MORC3: variants seen among roughly 807,000 people sequenced by gnomAD.
MORC3 encodes the protein MORC family CW-type zinc finger 3.
MORC3 carries 31 observed loss-of-function variants against 109.1 expected under a neutral mutation model. That is an observed-to-expected ratio of 0.28 (90% CI 0.21 to 0.38). The LOEUF is 0.38. MORC3 is among the 10% of genes least tolerant of loss of function. The pLI is 1.00. For synonymous variants in MORC3, 395 were observed against 380.7 expected (o/e 1.04, Z -0.44); for missense variants, 867 against 1,135.8 (o/e 0.76, Z 3.40).
intron 10 of MORC3, among the ~76,000 whole-genome samples, chr21:36,359,352 C>T (rs979182503): frequency 6.6e-6 from 1 of 151,810 alleles, no homozygotes; most frequent in Non-Finnish European, 1.5e-5. Flanking sequence ...CCCAGGCTGG[C>T]CTCATACTCC....
intron 13 of MORC3, 138 bp from the exon 14 acceptor site, chr21:36,363,955 A>G (rs1190750871): frequency 4.5e-6 from 4 of 879,964 alleles, no homozygotes; most frequent in Non-Finnish European, 3.4e-6. Context: ...GATTCCTGGT[A>G]TAGCACAAGG....
intron 14 of MORC3, among the ~76,000 whole-genome samples, chr21:36,366,269 T>C (rs568186294): frequency 2.0e-5 from 3 of 152,290 alleles, no homozygotes; most frequent in African/African-American, 7.2e-5. Context: ...CTCCCACTTA[T>C]AAGTGAGAAC....
chr21:36,354,376 C>G (rs1205899446), intron 9 of MORC3, among the ~76,000 whole-genome samples: 1 of 129,934 alleles, frequency 7.7e-6, no homozygotes, highest in African/African-American at 2.9e-5. Context: ...CACATCTTGG[C>G]TCACTGCAAC....
intron 5 of MORC3, 22 bp from the exon 6 acceptor site, chr21:36,341,377 T>TAG: frequency 6.3e-7 from 1 of 1,592,466 alleles, no homozygotes; most frequent in Non-Finnish European, 8.5e-7. Context: ...ATTTTGGTTC[T>TAG]TTCTAAAAAT....
intron 3 of MORC3, 48 bp from the exon 4 acceptor site, chr21:36,337,684 T>C (rs2146299499): frequency 8.6e-7 from 1 of 1,166,154 alleles, no homozygotes; most frequent in East Asian, 2.7e-5. Flanking sequence ...TATTTATTTA[T>C]TTTTGATTAT....
In MORC3 at chr21:36,338,756, C is replaced by CT; in HGVS notation, c.461-15dup. ...TGAAAACTATGTTGTCAATCTGAGT[C>CT]TTTAACTTATGATATACGACAGATG... On this transcript the variant is annotated splice_polypyrimidine_tract_variant and intron_variant, in intron 4 of 16. Transcript: ENST00000400485. 6.3e-7 allele frequency: 1 copy of CT among 1,591,616 alleles called. No individual in the cohort carries two copies. The highest frequency in any genetic ancestry group is 8.6e-7 in the Non-Finnish European group (1 of 1,164,178).
At chr21:36,323,750 C>T (rs2085217916) in intron 1 of MORC3, among the ~76,000 whole-genome samples, 1 of 152,146 alleles carries the variant, frequency 6.6e-6, no homozygotes, top group South Asian at 2.1e-4. Flanking sequence ...TCCTTAACAT[C>T]TGGAAAATGT....
At chr21:36,347,184 T>G (rs1490482482) in intron 8 of MORC3, among the ~76,000 whole-genome samples, 1 of 113,160 alleles carries the variant, frequency 8.8e-6, no homozygotes, top group Non-Finnish European at 1.9e-5. Flanking sequence ...AACTTTATTC[T>G]GAGTTTTTTG....
intron 1 of MORC3, among the ~76,000 whole-genome samples, chr21:36,325,628 A>G (rs769213365): frequency 6.6e-6 from 1 of 152,234 alleles, no homozygotes; most frequent in Non-Finnish European, 1.5e-5. Flanking sequence ...CCTGACAAAC[A>G]CTATTCTACT....
chr21:36,324,391 C>A (rs1264262642), intron 1 of MORC3, among the ~76,000 whole-genome samples: 3 of 151,666 alleles, frequency 2.0e-5, no homozygotes, highest in Non-Finnish European at 2.9e-5. Context: ...CATTCTCCTG[C>A]CTCAGCCTCC....
At chr21:36,343,860 TTAGTAA>T (rs1170110371) in intron 6 of MORC3, among the ~76,000 whole-genome samples, 1 of 152,056 alleles carries the variant, frequency 6.6e-6, no homozygotes, top group Non-Finnish European at 1.5e-5. Context: ...AATTACATTA[TTAGTAA>T]TAGTAATAGT....
At position 36,360,386 on chromosome 21, in the gene MORC3, C is replaced by T. The variant is rs56087140; in HGVS notation, c.1406+128C>T. 3,708 of 930,768 alleles carry T rather than the reference C, an allele frequency of 4.0e-3. 10 individuals carry two copies. Among genetic ancestry groups the T allele is most frequent in the Non-Finnish European group, 5.2e-3 (3,221 of 622,260 alleles). The allele number at this position is 930,768 out of a possible 1,614,324, so 57.7% of individuals were successfully genotyped here. A position where few individuals can be genotyped will look rare whatever the true frequency, so the allele number is the denominator to read the frequency against. On this transcript the variant is annotated intron_variant, in intron 12 of 16. Coordinates refer to ENST00000400485, the MANE Select transcript of MORC3 (RefSeq NM_015358.3). ...CTGAAAAAGTTTATAATGTGGAGTGCGTAATATCAAGGGCTTTAAAAACAA... is the reference window on the plus strand; with the variant it reads ...CTGAAAAAGTTTATAATGTGGAGTGTGTAATATCAAGGGCTTTAAAAACAA...
chr21:36,327,081 C>A (rs2085255594), intron 1 of MORC3, among the ~76,000 whole-genome samples: 1 of 147,594 alleles, frequency 6.8e-6, no homozygotes, highest in South Asian at 2.2e-4. Flanking sequence ...TCCCAAAGTG[C>A]GGGGGTTACA....
In MORC3 at chr21:36,341,411, A is replaced by G; in HGVS notation, c.621A>G (p.Ala207=). 6.3e-7 allele frequency: 1 copy of G among 1,597,558 alleles called. No homozygotes were observed. ...ATTATTTTTACAGCTACAAAAATGCAACAGAGTTCGATTTTGAAAAGGATA... is the reference window on the plus strand; with the variant it reads ...ATTATTTTTACAGCTACAAAAATGCGACAGAGTTCGATTTTGAAAAGGATA... ...IIWNLRSYKN[A]TEFDFEKDKY... Residue 207 remains alanine (A), a synonymous_variant, in exon 6 of 17, where the codon GCA becomes GCG. Transcript: ENST00000400485.
At chr21:36,361,954 A>G (rs2085721880) in intron 12 of MORC3, 2 of 579,804 alleles carry the variant, frequency 3.4e-6, no homozygotes, top group Non-Finnish European at 6.2e-6. Flanking sequence ...TTAGTGGAGA[A>G]AAAAACACCA....
At chr21:36,331,238 GA>G (rs2085311702) in intron 1 of MORC3, among the ~76,000 whole-genome samples, 1 of 152,098 alleles carries the variant, frequency 6.6e-6, no homozygotes, top group Non-Finnish European at 1.5e-5. Flanking sequence ...TGTTCAGAAT[GA>G]ACAAAAAAAT....
rs1449658970 is a variant in MORC3 at position 36,345,415 on chromosome 21, T to TTTTTTTG, written c.1005+398_1005+404dup. ...ACAGGTGCATGCCACCACGCCTGGTTTTTTTTGTTTTTTGTTTTTTTTTTG... is the reference window on the plus strand; with the variant it reads ...ACAGGTGCATGCCACCACGCCTGGTTTTTTTTGTTTTTTGTTTTTTGTTTTTTTTTTG... On this transcript the variant is annotated intron_variant, in intron 8 of 16. Transcript: ENST00000400485. 2.6e-5 allele frequency among the ~76,000 whole-genome samples: 4 copies of TTTTTTTG among 151,322 alleles called. No individual in the cohort carries two copies. The East Asian group carries it at 8.1e-4, about 31-fold the overall frequency.
chr21:36,348,174 A>G (rs2085532210), intron 8 of MORC3: 1 of 152,222 alleles, frequency 6.6e-6, no homozygotes, highest in South Asian at 2.1e-4. Context: ...TTTGAGTTCA[A>G]CATTTTAGCT....
chr21:36,350,881 G>A (rs1396553126), intron 9 of MORC3, among the ~76,000 whole-genome samples: 1 of 151,980 alleles, frequency 6.6e-6, no homozygotes, highest in Non-Finnish European at 1.5e-5. Context: ...CATTTGTATG[G>A]AATACATGTG....
Sources: allele counts gnomAD v4.1 joint callset (sites outside exome capture counted in the v4.1 genomes callset), GRCh38; gene constraint gnomAD v4.1.1; transcripts MANE v1.5; gene names NCBI Gene and HGNC (gene_info 2026-07-23, HGNC 2026-07-21).